Variants in DAG1 observed in about 807,000 individuals in gnomAD.
DAG1 encodes dystroglycan 1, also known as dystroglycan 1 (dystrophin-associated glycoprotein 1).
In DAG1, 8 loss-of-function variants were observed where a neutral mutation model predicts 46.1. That is an observed-to-expected ratio of 0.17 (90% CI 0.10 to 0.31). DAG1 has a LOEUF of 0.31. DAG1 is among the 10% of genes least tolerant of loss of function. The pLI, the probability that DAG1 is intolerant of heterozygous loss-of-function variation, is 1.00. For synonymous variants in DAG1, 495 were observed against 481.8 expected, an observed-to-expected ratio of 1.03 and a Z score of -0.36; for missense variants, 1,003 against 1,189.9, an observed-to-expected ratio of 0.84 and a Z score of 2.31.
At chr3:49,513,884 A>G (rs2050826091) in intron 2 of DAG1, among the ~76,000 whole-genome samples, 2 of 152,290 alleles carry the variant, frequency 1.3e-5, no homozygotes, top group African/African-American at 2.4e-5. Context: ...CTGAATATCC[A>G]TACCCTGCAT....
At chr3:49,473,450 C>G (rs1294707414) in intron 1 of DAG1, among the ~76,000 whole-genome samples, 1 of 152,064 alleles carries the variant, frequency 6.6e-6, no homozygotes, top group Non-Finnish European at 1.5e-5. Flanking sequence ...AAAAAAAACA[C>G]AAAACTTTAT....
rs375691410 is a variant in DAG1, at chr3:49,532,927, G to C, written c.2416G>C (p.Asp806His). 1 of 1,614,054 alleles carries C rather than the reference G, an allele frequency of 6.2e-7. No homozygotes were observed. The highest frequency in any genetic ancestry group is 1.1e-5 in the South Asian group (1 of 91,080). ...TATCATCTTTGCAGACGAACTGGAC[G>C]ACTCCAAGCCCCCACCCTCCTCCAG... is the stretch of plus-strand genomic sequence containing the variant. ...VPIIFADELD[D>H]SKPPPSSSMP... is the part of the protein sequence containing the mutation. Residue 806 changes from aspartate to histidine, a missense_variant, in exon 3 of 3, where the codon GAC (aspartate) becomes CAC (histidine). Physicochemically the swap from Asp to His is moderately conservative, Grantham distance 81. Transcript: ENST00000308775. This position sits in a 1 kb window ranked among gnomAD's most constrained non-coding sequence, Gnocchi z 5.4.
chr3:49,487,262 C>T (rs1243740953), intron 1 of DAG1: 1 of 152,248 alleles, frequency 6.6e-6, no homozygotes, highest in Non-Finnish European at 1.5e-5. Flanking sequence ...AGGCACACGA[C>T]TGTCTATCCC....
rs147292984 is a variant in DAG1 at position 49,528,275 on chromosome 3, A to ATTTTTTTTTTTTTTTTTTTTTTTT, written c.286-2518_286-2495dup. Among the ~76,000 whole-genome samples, 53 of 66,628 alleles carry ATTTTTTTTTTTTTTTTTTTTTTTT rather than the reference A, an allele frequency of 8.0e-4. 11 individuals carry two copies. The highest frequency in any genetic ancestry group is 1.4e-3 in the African/African-American group (21 of 14,514). 43.7% of individuals were successfully genotyped at this position (66,628 alleles called of 152,430 possible). On this transcript the variant is annotated intron_variant, in intron 2 of 2. Transcript: ENST00000308775. ...CAGCCAAAACATTTGAAATAGTGTG[A>ATTTTTTTTTTTTTTTTTTTTTTTT]TTTTTTTTTTTTTTTTTTTTTTTTT...
At chr3:49,469,513 T>C (rs2049451641), upstream of DAG1, among the ~76,000 whole-genome samples, 1 of 151,142 alleles carries the variant, frequency 6.6e-6, no homozygotes, top group Non-Finnish European at 1.5e-5. Context: ...CCACTAGGAG[T>C]GAGTGACCAG....
chr3:49,504,211 C>T (rs896268727), intron 1 of DAG1, among the ~76,000 whole-genome samples: 1 of 151,936 alleles, frequency 6.6e-6, no homozygotes, highest in Non-Finnish European at 1.5e-5. Flanking sequence ...TTTTGTCATT[C>T]AAGAATGTTA....
intron 1 of DAG1, among the ~76,000 whole-genome samples, chr3:49,481,846 T>C (rs1009648095): frequency 6.6e-6 from 1 of 152,208 alleles, no homozygotes; most frequent in African/African-American, 2.4e-5. Flanking sequence ...TCTTATAGAG[T>C]TCTTTCTCCT....
chr3:49,531,063 G>C lies in DAG1; in HGVS notation c.552G>C (p.Ala184=), dbSNP rs749602970. Reference sequence around the variant, plus strand: ...AGGTGGTATCATCTGCCTGTGCTGCGGATGAACCTGTGACTGTTTTGACGG... The same window carrying C: ...AGGTGGTATCATCTGCCTGTGCTGCCGATGAACCTGTGACTGTTTTGACGG... ...PGEVVSSACA[A]DEPVTVLTVI... is the part of the protein sequence containing the mutation. Residue 184 remains alanine, a synonymous_variant, in exon 3 of 3, where the codon GCG becomes GCC. Coordinates refer to ENST00000308775, the MANE Select transcript of DAG1 (RefSeq NM_004393.6). The surrounding 1 kb of genome is among the most constrained non-coding windows in gnomAD (Gnocchi z 7.0). 6.8e-6 allele frequency: 11 copies of C among 1,614,038 alleles called. No homozygotes were observed. Among genetic ancestry groups the C allele is most frequent in the Non-Finnish European group, 8.5e-6 (10 of 1,180,032 alleles).
intron 2 of DAG1, among the ~76,000 whole-genome samples, chr3:49,523,573 C>T (rs1220757426): frequency 6.6e-6 from 1 of 152,140 alleles, no homozygotes; most frequent in East Asian, 1.9e-4. Context: ...TGCCTGTTGC[C>T]TCCCCACTTA....
Sources: gnomAD v4.1 joint callset for allele counts (sites outside exome capture counted in the v4.1 genomes callset) on GRCh38, gnomAD v4.1.1 for gene constraint, Gnocchi (gnomAD v3.1) non-coding constraint, MANE v1.5 for transcripts, NCBI Gene and HGNC (gene_info 2026-07-23, HGNC 2026-07-21) for gene names.